The following COX7B2 variants were observed in gnomAD, a reference collection of about 807,000 sequenced individuals.
COX7B2 encodes the protein cytochrome c oxidase subunit 7B2, also known as cytochrome c oxidase subunit 7B2, mitochondrial.
For synonymous variants in COX7B2, 37 were observed against 32.1 expected, an observed-to-expected ratio of 1.15 and a Z score of -0.51; for missense variants, 109 against 95.9, an observed-to-expected ratio of 1.14 and a Z score of -0.57.
intron 2 of COX7B2, among the ~76,000 whole-genome samples, chr4:46,794,210 G>A (rs753700727): frequency 4.6e-5 from 7 of 152,204 alleles, no homozygotes; most frequent in Non-Finnish European, 1.0e-4. Flanking sequence ...TGCTAAAGCT[G>A]TGGCTGTGGG....
chr4:46,900,553 C>T (rs1267704361), intron 1 of COX7B2, among the ~76,000 whole-genome samples: 1 of 152,048 alleles, frequency 6.6e-6, no homozygotes, highest in Non-Finnish European at 1.5e-5. Context: ...TGGGGCACCT[C>T]AAATTCAGAA....
chr4:46,840,385 T>C (rs994449439), intron 2 of COX7B2, among the ~76,000 whole-genome samples: 3 of 151,970 alleles, frequency 2.0e-5, no homozygotes, highest in African/African-American at 7.2e-5. Context: ...AATAATAGGA[T>C]TCAGCAGGTA....
chr4:46,753,443 A>C (rs1203944440), intron 2 of COX7B2, among the ~76,000 whole-genome samples: 1 of 152,022 alleles, frequency 6.6e-6, no homozygotes, highest in Non-Finnish European at 1.5e-5. Context: ...GACAAACCTG[A>C]CAAAAACAAG....
rs993963458 is a variant in COX7B2, at chr4:46,762,337, A to C, written c.-49-27096T>G. 2.2e-5 allele frequency among the ~76,000 whole-genome samples: 3 copies of C among 137,382 alleles called. No homozygotes were observed. In the Admixed American group the frequency reaches 2.4e-4, roughly 11 times the overall value. The allele number at this position is 137,382 out of a possible 152,430, so 90.1% of individuals were successfully genotyped here. ...TATAATATATATTTACTATATATTA[A>C]TATATATTTATATATACTATACATG... On this transcript the variant is annotated intron_variant, in intron 2 of 2. Transcript: ENST00000355591.
intron 1 of COX7B2, among the ~76,000 whole-genome samples, chr4:46,907,300 G>C (rs750472899): frequency 6.6e-6 from 1 of 151,972 alleles, no homozygotes; most frequent in Non-Finnish European, 1.5e-5. Flanking sequence ...TCCCAAATTT[G>C]CTCCTAAAAA....
chr4:46,735,318 ACC>A, intron 2 of COX7B2, 77 bp from the exon 3 acceptor site: 4 of 1,104,348 alleles, frequency 3.6e-6, no homozygotes, highest in Non-Finnish European at 5.3e-6. Context: ...TGGCTACATC[ACC>A]CCTTGGAGTG....
chr4:46,857,759 T>G (rs915079134), intron 1 of COX7B2, among the ~76,000 whole-genome samples: 1 of 152,174 alleles, frequency 6.6e-6, no homozygotes, highest in Non-Finnish European at 1.5e-5. Flanking sequence ...GTTTTCAGAA[T>G]GTATGCAATA....
chr4:46,895,300 C>T (rs905504490), intron 1 of COX7B2, among the ~76,000 whole-genome samples: 33 of 152,162 alleles, frequency 2.2e-4, no homozygotes, highest in African/African-American at 7.7e-4. Context: ...CAGAATACTA[C>T]GGAGCCATAA....
At chr4:46,882,206 G>C (rs1718791876) in intron 1 of COX7B2, among the ~76,000 whole-genome samples, 1 of 152,026 alleles carries the variant, frequency 6.6e-6, no homozygotes, top group African/African-American at 2.4e-5. Flanking sequence ...GATTGTTTTA[G>C]GTCCAATTAT....
chr4:46,842,793 G>C (rs529816545), intron 2 of COX7B2, among the ~76,000 whole-genome samples: 210 of 152,162 alleles, frequency 1.4e-3, no homozygotes, highest in Non-Finnish European at 2.2e-3. Flanking sequence ...TCTTAATCCA[G>C]TCTATCATTG....
intron 2 of COX7B2, among the ~76,000 whole-genome samples, chr4:46,762,646 G>T (rs867683482): frequency 2.0e-5 from 3 of 149,064 alleles, no homozygotes; most frequent in Non-Finnish European, 4.4e-5. Flanking sequence ...ATATTTGAGC[G>T]TATTGTCCAT....
chr4:46,826,485 G>T (rs1577617722), intron 2 of COX7B2, among the ~76,000 whole-genome samples: 1 of 151,990 alleles, frequency 6.6e-6, no homozygotes, highest in African/African-American at 2.4e-5. Flanking sequence ...GCCACAAGCG[G>T]AAATACCATT....
intron 2 of COX7B2, among the ~76,000 whole-genome samples, chr4:46,759,842 T>TATATAAGTC (rs1716031933): frequency 6.7e-6 from 1 of 149,816 alleles, no homozygotes; most frequent in Non-Finnish European, 1.5e-5. Flanking sequence ...TTATATAAGT[T>TATATAAGTC]ATATAAGTCA....
intron 2 of COX7B2, among the ~76,000 whole-genome samples, chr4:46,804,231 G>A (rs1476320361): frequency 6.6e-6 from 1 of 152,150 alleles, no homozygotes; most frequent in Non-Finnish European, 1.5e-5. Context: ...GCTCATAAAG[G>A]TAGTGCGGAC....
chr4:46,823,187 G>A (rs2109700576), intron 2 of COX7B2, among the ~76,000 whole-genome samples: 1 of 152,064 alleles, frequency 6.6e-6, no homozygotes, highest in South Asian at 2.1e-4. Context: ...TGCTGGGTGG[G>A]AAATAGCCAC....
chr4:46,896,248 T>C (rs7683552), intron 1 of COX7B2, among the ~76,000 whole-genome samples: 40,592 of 152,054 alleles, frequency 0.27, 5,777 homozygotes, highest in East Asian at 0.38. Context: ...GACTGTCTAA[T>C]GGGGAAAAAG....
intron 1 of COX7B2, among the ~76,000 whole-genome samples, chr4:46,891,182 T>G (rs890634161): frequency 6.6e-6 from 1 of 152,192 alleles, no homozygotes; most frequent in African/African-American, 2.4e-5. Context: ...GAGAACATCA[T>G]GGTAGAAACA....
At chr4:46,834,927 C>T (rs915212694) in intron 2 of COX7B2, among the ~76,000 whole-genome samples, 2 of 151,956 alleles carry the variant, frequency 1.3e-5, no homozygotes, top group African/African-American at 4.8e-5. Flanking sequence ...TGCAAGTCTC[C>T]AAACTTCAAA....
chr4:46,859,199 T>C (rs1029059662), intron 1 of COX7B2, among the ~76,000 whole-genome samples: 1 of 152,170 alleles, frequency 6.6e-6, no homozygotes, highest in African/African-American at 2.4e-5. Context: ...ATTGAAGTCA[T>C]TTCCACCTTT....
Sources: gnomAD v4.1 joint callset for allele counts (sites outside exome capture counted in the v4.1 genomes callset) on GRCh38, gnomAD v4.1.1 for gene constraint, MANE v1.5 for transcripts, NCBI Gene and HGNC (gene_info 2026-07-23, HGNC 2026-07-21) for gene names.